TRANK1: variants seen among roughly 807,000 people sequenced by gnomAD.
TRANK1 encodes tetratricopeptide repeat and ankyrin repeat containing 1.
Under a neutral mutation model 266.0 loss-of-function variants are expected in TRANK1, and 198 were observed. That is an observed-to-expected ratio of 0.74 (90% CI 0.66 to 0.84). The LOEUF is 0.84. Among genes scored for constraint, TRANK1 ranks in the 40% least tolerant of loss-of-function variants. The pLI is 0.00. For synonymous variants in TRANK1, 1,396 were observed against 1,384.1 expected, an observed-to-expected ratio of 1.01 and a Z score of -0.19; for missense variants, 3,326 against 3,634.6, an observed-to-expected ratio of 0.92 and a Z score of 2.18.
chr3:36,920,491 T>C (rs1236433063), intron 1 of TRANK1, among the ~76,000 whole-genome samples: 1 of 152,238 alleles, frequency 6.6e-6, no homozygotes, highest in Non-Finnish European at 1.5e-5. Flanking sequence ...GGCACAATTC[T>C]GGCCCCTGAA....
chr3:36,927,257 A>G (rs2080301132), intron 1 of TRANK1, among the ~76,000 whole-genome samples: 1 of 152,194 alleles, frequency 6.6e-6, no homozygotes, highest in African/African-American at 2.4e-5. Context: ...TGAGACCTAC[A>G]CTCACATGCC....
chr3:36,944,896 C>A lies in TRANK1; in HGVS notation c.-87G>T, dbSNP rs1230495032. On this transcript the variant is annotated 5_prime_UTR_variant, in exon 1 of 24. Transcript: ENST00000645898. ...CAGGGCGCGGCGGGCAGTGCGGAAGCCCGAAAGCTACCGGAGCCCGGGGCA... is the reference window on the plus strand; with the variant it reads ...CAGGGCGCGGCGGGCAGTGCGGAAGACCGAAAGCTACCGGAGCCCGGGGCA... The A allele has an allele frequency of 1.1e-5, 14 of 1,317,804 alleles. No individual in the cohort carries two copies. The African/African-American group carries it at 1.7e-4, about 16-fold the overall frequency. 81.6% of individuals were successfully genotyped at this position (1,317,804 alleles called of 1,614,324 possible). A position where few individuals can be genotyped will look rare whatever the true frequency, so the allele number is the denominator to read the frequency against.
Position 36,831,246 on chromosome 3 carries a change from G to A in TRANK1, c.8337C>T (p.Gly2779=). 6.2e-7 allele frequency: 1 copy of A among 1,613,364 alleles called. No homozygotes were observed. The highest frequency in any genetic ancestry group is 2.2e-5 in the East Asian group (1 of 44,864). Residue 2779 remains glycine, a synonymous_variant, in exon 22 of 24, where the codon GGC becomes GGT. Transcript: ENST00000645898. This position sits in a 1 kb window ranked among gnomAD's most constrained non-coding sequence, Gnocchi z 5.0. The stretch of plus-strand genomic sequence containing the variant: ...TGCTGGGGCTGAAATAGTTCTCTGG[G>A]CCACGGGTAAACTTCACTCCACATA... The part of the protein sequence containing the change: ...CDLCGVKFTR[G]PENYFSPSKA...
chr3:36,842,853 G>T, intron 17 of TRANK1, 143 bp from the exon 18 acceptor site: 1 of 744,636 alleles, frequency 1.3e-6, no homozygotes, highest in Non-Finnish European at 2.3e-6. Flanking sequence ...GAATGTGGCT[G>T]CATTTGGAGA....
In TRANK1 at chr3:36,908,345, G is replaced by A; in HGVS notation, c.133C>T (p.Leu45Phe). Residue 45 changes from leucine (L) to phenylalanine (F), a missense_variant, in exon 2 of 24, where the codon CTC becomes TTC. Physicochemically the swap from Leu to Phe is conservative, Grantham distance 22. Transcript: ENST00000645898. ...IRKYDEAIQI[L>F]LQLYQWGVPP... is the part of the protein sequence containing the mutation. ...TACCCCCACTGGTATAACTGCAGGA[G>A]AATCTGGATGGCTTCATCGTACTTT... 1 of 1,232,220 alleles carries A rather than the reference G, an allele frequency of 8.1e-7. No homozygotes were observed. Among genetic ancestry groups the A allele is most frequent in the Non-Finnish European group, 1.0e-6 (1 of 987,988 alleles). 76.3% of individuals were successfully genotyped at this position (1,232,220 alleles called of 1,614,324 possible). A position where few individuals can be genotyped will look rare whatever the true frequency, so the allele number is the denominator to read the frequency against.
rs34266450 is a variant in TRANK1 at position 36,883,534 on chromosome 3, C to CA, written c.907+6294dup. ...TATCTATATAATGTAACTCTTCATG[C>CA]AAAAAAAAAAAAGGGAGCTATAAGA... On this transcript the variant is annotated intron_variant, in intron 8 of 23. Transcript: ENST00000645898. 9.7e-4 allele frequency among the ~76,000 whole-genome samples: 131 copies of CA among 134,704 alleles called. 1 individual carries two copies. Among genetic ancestry groups the CA allele is most frequent in the Admixed American group, 2.3e-3 (31 of 13,608 alleles). 88.4% of individuals were successfully genotyped at this position (134,704 alleles called of 152,430 possible).
intron 3 of TRANK1, 101 bp downstream of exon 3, chr3:36,903,048 G>A: frequency 7.0e-7 from 1 of 1,422,290 alleles, no homozygotes; most frequent in South Asian, 1.5e-5. Flanking sequence ...GCCACCCCCA[G>A]GTGCCACTGC....
At chr3:36,923,266 T>TG (rs2080241761) in intron 1 of TRANK1, among the ~76,000 whole-genome samples, 1 of 151,398 alleles carries the variant, frequency 6.6e-6, no homozygotes, top group Admixed American at 6.6e-5. Context: ...ATTTTTTTTT[T>TG]TTTTTTGAGG....
At chr3:36,842,519 T>C in intron 18 of TRANK1, 103 bp downstream of exon 18, 4 of 1,003,990 alleles carry the variant, frequency 4.0e-6, no homozygotes, top group Non-Finnish European at 6.2e-6. Context: ...CAAGCACCAT[T>C]ACGCTCATCC....
At chr3:36,871,524 C>G (rs929160169) in intron 9 of TRANK1, among the ~76,000 whole-genome samples, 19 of 152,180 alleles carry the variant, frequency 1.2e-4, no homozygotes, top group African/African-American at 2.4e-5. Flanking sequence ...GGAAACCATT[C>G]TGAAACTGAG....
At chr3:36,893,344 C>T (rs1014729832) in intron 5 of TRANK1, among the ~76,000 whole-genome samples, 3 of 152,108 alleles carry the variant, frequency 2.0e-5, no homozygotes, top group Admixed American at 6.5e-5. Context: ...AGACTCAAAT[C>T]CTTTAGAAAT....
chr3:36,902,141 AT>A (rs1459238086), intron 3 of TRANK1, among the ~76,000 whole-genome samples: 6 of 152,328 alleles, frequency 3.9e-5, no homozygotes, highest in Middle Eastern at 3.4e-3. Context: ...GCAAAAAAAA[AT>A]CTCAATGTTT....
intron 4 of TRANK1, among the ~76,000 whole-genome samples, chr3:36,896,114 C>G (rs1303156660): frequency 6.6e-6 from 1 of 152,192 alleles, no homozygotes; most frequent in African/African-American, 2.4e-5. Context: ...TTACAAAACT[C>G]ACTTCCTTTA....
chr3:36,863,685 A>G (rs1231506800), intron 10 of TRANK1, among the ~76,000 whole-genome samples: 1 of 152,238 alleles, frequency 6.6e-6, no homozygotes, highest in African/African-American at 2.4e-5. Context: ...AAAGAGGTTA[A>G]TTAATTGGCC....
At chr3:36,883,281 C>G (rs939023394) in intron 8 of TRANK1, among the ~76,000 whole-genome samples, 1 of 151,620 alleles carries the variant, frequency 6.6e-6, no homozygotes, top group African/African-American at 2.4e-5. Flanking sequence ...TCTCTACCAA[C>G]AACAACAGCA....
chr3:36,885,605 G>T (rs751989407), intron 8 of TRANK1, among the ~76,000 whole-genome samples: 1 of 152,232 alleles, frequency 6.6e-6, no homozygotes, highest in African/African-American at 2.4e-5. Context: ...CACGATCGTA[G>T]TTCACTGCAG....
intron 5 of TRANK1, 60 bp from the exon 6 acceptor site, chr3:36,893,044 CA>C: frequency 3.2e-6 from 2 of 625,008 alleles, no homozygotes; most frequent in African/African-American, 2.0e-5. Context: ...GTTATTAAAG[CA>C]AAAAAGTTAT....
chr3:36,879,932 A>G lies in TRANK1; in HGVS notation c.908-5636T>C, dbSNP rs1202508120. ...CATGCAAATATATGTAAACATGCAAATATATGTAAACATGCAAATATATGT... is the reference window on the plus strand; with the variant it reads ...CATGCAAATATATGTAAACATGCAAGTATATGTAAACATGCAAATATATGT... On this transcript the variant is annotated intron_variant, in intron 8 of 23. Transcript: ENST00000645898. 1.6e-4 allele frequency among the ~76,000 whole-genome samples: 4 copies of G among 24,304 alleles called. 1 individual carries two copies. The highest frequency in any genetic ancestry group is 2.2e-4 in the Non-Finnish European group (3 of 13,938). The allele number at this position is 24,304 out of a possible 152,430, so 15.9% of individuals were successfully genotyped here. A position where few individuals can be genotyped will look rare whatever the true frequency, so the allele number is the denominator to read the frequency against.
chr3:36,880,735 T>TTTATTATTA (rs887309192), intron 8 of TRANK1: 1 of 151,124 alleles, frequency 6.6e-6, no homozygotes, highest in South Asian at 2.1e-4. Context: ...GCCATTTTCT[T>TTTATTATTA]TTATTATTAT....
Sources: allele counts gnomAD v4.1 joint callset (sites outside exome capture counted in the v4.1 genomes callset), GRCh38; gene constraint gnomAD v4.1.1; non-coding constraint Gnocchi (gnomAD v3.1); transcripts MANE v1.5; gene names NCBI Gene and HGNC (gene_info 2026-07-23, HGNC 2026-07-21).